The following DST variants were observed in gnomAD, a reference collection of about 807,000 sequenced individuals.
The protein encoded by DST is dystonin.
Under a neutral mutation model 875.2 loss-of-function variants are expected in DST, and 253 were observed. That is an observed-to-expected ratio of 0.29 (90% CI 0.26 to 0.32). DST has a LOEUF of 0.32. Ranked by LOEUF, DST falls within the 10% of genes least tolerant of loss-of-function variation. DST has a pLI of 1.00. For synonymous variants in DST, 3,124 were observed against 3,197.1 expected (o/e 0.98, Z 0.77); for missense variants, 8,287 against 9,111.6 (o/e 0.91, Z 3.68).
chr6:56,802,613 G>C (rs910801841), intron 4 of DST, among the ~76,000 whole-genome samples: 1 of 152,068 alleles, frequency 6.6e-6, no homozygotes, highest in Non-Finnish European at 1.5e-5. Context: ...CAAAGCATGA[G>C]CTCATGGGAA....
At chr6:56,572,298 A>G (rs1232326544) in intron 52 of DST, 32 bp from the exon 53 acceptor site, 4 of 1,469,964 alleles carry the variant, frequency 2.7e-6, no homozygotes, top group Non-Finnish European at 3.7e-6. Context: ...AGTCAATATA[A>G]ATGTTGCTAG....
chr6:56,463,634 T>C lies in DST; in HGVS notation c.22890A>G (p.Arg7630=). 3.1e-6 allele frequency: 5 copies of C among 1,613,642 alleles called. No individual in the cohort carries two copies. The highest frequency in any genetic ancestry group is 4.2e-6 in the Non-Finnish European group (5 of 1,179,712). Residue 7630 remains arginine, a synonymous_variant, in exon 101 of 104, where the codon AGA becomes AGG. Coordinates refer to ENST00000680361, the MANE Select transcript of DST (RefSeq NM_001374736.1). ...RPSSRGASPN[R]STSVSSQAAQ... ...CAGCCTGACTGGACACAGAAGTGGA[T>C]CTGTTGGGTGAAGCGCCTCGTGATG...
chr6:56,597,409 C>T (rs968546993), intron 47 of DST, among the ~76,000 whole-genome samples: 2 of 151,898 alleles, frequency 1.3e-5, no homozygotes, highest in Admixed American at 1.3e-4. Context: ...AAATAAAAAC[C>T]CCAAGGAGTA....
chr6:56,698,429 G>A (rs776391832), intron 9 of DST, among the ~76,000 whole-genome samples: 5 of 151,792 alleles, frequency 3.3e-5, no homozygotes, highest in Non-Finnish European at 7.4e-5. Context: ...AGGTTCAAGC[G>A]ATTCTCCCAC....
chr6:56,566,223 T>C (rs559735492), intron 55 of DST, among the ~76,000 whole-genome samples: 3 of 152,260 alleles, frequency 2.0e-5, no homozygotes, highest in African/African-American at 7.2e-5. Context: ...CTCACTGGTG[T>C]TCCAGGTGCC....
At position 56,615,156 on chromosome 6, in the gene DST, AT is replaced by A. The variant is rs960501441; in HGVS notation, c.4930-673del. On this transcript the variant is annotated intron_variant, in intron 36 of 103. Transcript: ENST00000680361. Reference sequence around the variant, plus strand: ...ATGACGTGCTCTTTCAGCGAGTGCAATTTATCATTTAATAAATGATCACTAT... The same window carrying A: ...ATGACGTGCTCTTTCAGCGAGTGCAATTATCATTTAATAAATGATCACTAT... 2.7e-4 allele frequency: 288 copies of A among 1,086,224 alleles called. 1 individual carries two copies. Among genetic ancestry groups the A allele is most frequent in the Admixed American group, 1.4e-4 (3 of 20,828 alleles). 67.3% of individuals were successfully genotyped at this position (1,086,224 alleles called of 1,614,324 possible). A position where few individuals can be genotyped will look rare whatever the true frequency, so the allele number is the denominator to read the frequency against.
chr6:56,778,246 A>G (rs370684374), intron 4 of DST, among the ~76,000 whole-genome samples: 4 of 152,076 alleles, frequency 2.6e-5, no homozygotes, highest in African/African-American at 9.7e-5. Context: ...ATAAAAACAA[A>G]TCAAAATTGT....
chr6:56,889,180 C>T (rs1378779483), intron 3 of DST, among the ~76,000 whole-genome samples: 1 of 152,172 alleles, frequency 6.6e-6, no homozygotes, highest in East Asian at 1.9e-4. Flanking sequence ...CGGAGTCATC[C>T]CACCCAGTCT....
intron 10 of DST, among the ~76,000 whole-genome samples, chr6:56,657,343 G>A (rs1046591239): frequency 2.0e-5 from 3 of 151,938 alleles, no homozygotes; most frequent in African/African-American, 4.8e-5. Flanking sequence ...AAGGAGGGAG[G>A]GTGGGCATGT....
intron 4 of DST, among the ~76,000 whole-genome samples, chr6:56,745,271 A>G (rs1274337989): frequency 6.6e-6 from 1 of 152,236 alleles, no homozygotes; most frequent in African/African-American, 2.4e-5. Flanking sequence ...TAAAGCCTAC[A>G]GTTGGTCTCA....
chr6:56,856,180 G>C (rs373184962), intron 3 of DST, among the ~76,000 whole-genome samples: 1 of 152,140 alleles, frequency 6.6e-6, no homozygotes, highest in Admixed American at 6.5e-5. Flanking sequence ...TTTTTAGAAG[G>C]GGAACTGAAC....
chr6:56,508,097 C>G (rs1255438930), intron 75 of DST, among the ~76,000 whole-genome samples: 1 of 152,148 alleles, frequency 6.6e-6, no homozygotes, highest in Non-Finnish European at 1.5e-5. Context: ...TATAGTGGCA[C>G]GATCTTGGCT....
At chr6:56,469,495 T>C (rs746854101) in intron 97 of DST, among the ~76,000 whole-genome samples, 54 of 152,158 alleles carry the variant, frequency 3.5e-4, no homozygotes, top group Non-Finnish European at 8.8e-5. Context: ...TTTTCATATT[T>C]ATTAAAATGA....
At chr6:56,648,773 G>GAC in intron 12 of DST, 84 bp from the exon 13 acceptor site, 1 of 1,160,100 alleles carries the variant, frequency 8.6e-7, no homozygotes, top group Non-Finnish European at 1.2e-6. Context: ...AAGTCATTCT[G>GAC]TAAATGTATG....
At chr6:56,903,692 T>A (rs1311856120) in intron 2 of DST, among the ~76,000 whole-genome samples, 5 of 152,166 alleles carry the variant, frequency 3.3e-5, no homozygotes, top group African/African-American at 7.2e-5. Flanking sequence ...ACTCCTGACC[T>A]CATGATCTGC....
rs1241510268 is a variant in DST, at chr6:56,603,593, C to T, written c.10912G>A (p.Ala3638Thr). Residue 3638 changes from alanine to threonine, a missense_variant, in exon 41 of 104, where the codon GCT becomes ACT. By Grantham distance (58) the Ala-to-Thr change is moderately conservative. Around this residue, in one of 10 missense-constraint regions of DST, gnomAD observed 3,138 missense variants for 3,116.6 expected, o/e 1.01. Coordinates refer to ENST00000680361, the MANE Select transcript of DST (RefSeq NM_001374736.1). ...NQESLDNNLE[A>T]LKNQLRQLET... Reference sequence around the variant, plus strand: ...AACTGTCTAAGTTGATTCTTCAAAGCTTCCAAGTTGTTATCCAGAGATTCC... The same window carrying T: ...AACTGTCTAAGTTGATTCTTCAAAGTTTCCAAGTTGTTATCCAGAGATTCC... 1 of 1,609,732 alleles carries T rather than the reference C, an allele frequency of 6.2e-7. No homozygotes were observed. Among genetic ancestry groups the T allele is most frequent in the Non-Finnish European group, 8.5e-7 (1 of 1,178,518 alleles).
chr6:56,851,564 G>C lies in DST; in HGVS notation c.458C>G (p.Ser153Cys). The C allele has an allele frequency of 6.2e-7, 1 of 1,614,020 alleles. No homozygotes were observed. ...ATCATCCTCATCGGAAAAATCCGCA[G>C]AGGAAGACATAGAGCAGCGATAGGA... ...NASYRCSMSS[S>C]ADFSDEDDFS... Residue 153 changes from serine to cysteine, a missense_variant, in exon 4 of 104, where the codon TCT (serine) becomes TGT (cysteine). By Grantham distance (112) the Ser-to-Cys change is moderately radical. Around this residue, in one of 10 missense-constraint regions of DST, gnomAD observed 1,160 missense variants for 1,424.3 expected, o/e 0.81. Transcript: ENST00000680361.
intron 9 of DST, among the ~76,000 whole-genome samples, chr6:56,689,606 T>A (rs752250905): frequency 6.6e-6 from 1 of 152,202 alleles, no homozygotes; most frequent in Non-Finnish European, 1.5e-5. Flanking sequence ...GGCCAGGCTT[T>A]GAGAAGTACT....
chr6:56,758,916 C>A (rs1219785559), intron 4 of DST, among the ~76,000 whole-genome samples: 1 of 152,148 alleles, frequency 6.6e-6, no homozygotes, highest in Non-Finnish European at 1.5e-5. Context: ...CAGATTCAAC[C>A]AGAGTGCACA....
Sources: allele counts gnomAD v4.1 joint callset (sites outside exome capture counted in the v4.1 genomes callset), GRCh38; gene constraint gnomAD v4.1.1; regional missense constraint gnomAD v4.1.1; transcripts MANE v1.5; gene names NCBI Gene and HGNC (gene_info 2026-07-23, HGNC 2026-07-21).